The following DNAJC12 variants were observed in gnomAD, a reference collection of about 807,000 sequenced individuals.
The protein encoded by DNAJC12 is DnaJ heat shock protein family (Hsp40) member C12.
A neutral mutation model predicts 28.5 loss-of-function variants in DNAJC12; 25 were observed. The observed-to-expected ratio is 0.88, with a 90% confidence interval of 0.64 to 1.22. The LOEUF is 1.22. Among genes scored for constraint, DNAJC12 ranks in the 50% most tolerant of loss-of-function variants. The probability of loss-of-function intolerance (pLI) is 0.00; values close to 1 mark genes in which losing one functional copy is unlikely to be tolerated. For synonymous variants in DNAJC12, 77 were observed against 80.6 expected (o/e 0.95, Z 0.24); for missense variants, 222 against 231.7 (o/e 0.96, Z 0.27).
In DNAJC12 at chr10:67,819,700, AAGG is replaced by A. The variant is rs1564863277; in HGVS notation, c.157+3611_157+3613del. Among the ~76,000 whole-genome samples, 110 of 21,034 alleles carry A rather than the reference AAGG, an allele frequency of 5.2e-3. 20 individuals carry two copies. Among genetic ancestry groups the A allele is most frequent in the South Asian group, 0.012 (5 of 406 alleles). 13.8% of individuals were successfully genotyped at this position (21,034 alleles called of 152,430 possible). ...AAAGAAAGAAAGAAAGAAAGAAAGG[AAGG>A]AAGGAAGGAAGGAAGCAAGGAAGGA... On this transcript the variant is annotated intron_variant, in intron 2 of 4. Coordinates refer to ENST00000225171, the MANE Select transcript of DNAJC12 (RefSeq NM_021800.3).
intron 4 of DNAJC12, among the ~76,000 whole-genome samples, chr10:67,801,395 C>T (rs879259479): frequency 2.0e-5 from 3 of 152,148 alleles, no homozygotes; most frequent in African/African-American, 4.8e-5. Flanking sequence ...CTTTAAGGCA[C>T]TAGTCAGAAA....
chr10:67,799,173 G>T lies in DNAJC12; in HGVS notation c.503-1963C>A, dbSNP rs141480536. Among the ~76,000 whole-genome samples the T allele has an allele frequency of 2.9e-3, 443 of 152,100 alleles. 3 individuals are homozygous for T. Among genetic ancestry groups the T allele is most frequent in the African/African-American group, 0.01 (429 of 41,490 alleles). Reference sequence around the variant, plus strand: ...TGTTAATAATATTGCTAATGAAAAAGCAGGTTACAGAATAATATATAAAAT... The same window carrying T: ...TGTTAATAATATTGCTAATGAAAAATCAGGTTACAGAATAATATATAAAAT... On this transcript the variant is annotated intron_variant, in intron 4 of 4. Coordinates refer to ENST00000225171, the MANE Select transcript of DNAJC12 (RefSeq NM_021800.3).
At chr10:67,803,044 T>G (rs1219107962) in intron 4 of DNAJC12, among the ~76,000 whole-genome samples, 2 of 151,980 alleles carry the variant, frequency 1.3e-5, no homozygotes, top group Non-Finnish European at 2.9e-5. Context: ...TTCACCATGT[T>G]GCCCAGGCTG....
chr10:67,826,376 C>T (rs944511945), intron 1 of DNAJC12, among the ~76,000 whole-genome samples: 1 of 150,898 alleles, frequency 6.6e-6, no homozygotes, highest in Non-Finnish European at 1.5e-5. Context: ...CCAAGCAATC[C>T]GCCTGCCTTG....
chr10:67,837,784 T>C (rs2131820168), intron 1 of DNAJC12, 150 bp downstream of exon 1: 1 of 557,014 alleles, frequency 1.8e-6, no homozygotes, highest in Non-Finnish European at 3.1e-6. Flanking sequence ...ATTCTTAACT[T>C]TCTCTGAGCC....
At chr10:67,807,126 T>A (rs1308610035) in intron 3 of DNAJC12, among the ~76,000 whole-genome samples, 1 of 151,408 alleles carries the variant, frequency 6.6e-6, no homozygotes, top group African/African-American at 2.4e-5. Context: ...TTGGGCAAGG[T>A]AGTGTGTGCC....
intron 2 of DNAJC12, among the ~76,000 whole-genome samples, chr10:67,818,032 G>A (rs55775498): frequency 1.3e-3 from 192 of 152,196 alleles, no homozygotes; most frequent in African/African-American, 4.2e-3. Context: ...GCAAAACCCC[G>A]TCTGTACTAA....
chr10:67,834,099 G>A (rs1179999692), intron 1 of DNAJC12: 1 of 456,206 alleles, frequency 2.2e-6, no homozygotes. Flanking sequence ...GTAAATGTAT[G>A]ATGAATTTTA....
At chr10:67,819,299 T>C (rs7080662) in intron 2 of DNAJC12, among the ~76,000 whole-genome samples, 70,963 of 151,026 alleles carry the variant, frequency 0.47, 20,754 homozygotes, top group Non-Finnish European at 0.66. Flanking sequence ...AGCGCCACTG[T>C]ACTCCAGACT....
rs367769639 is a variant in DNAJC12 at position 67,816,543 on chromosome 10, CTTT to C, written c.158-4883_158-4881del. ...AGGTTCTTAGTCTGAAGTTTACTTT[CTTT>C]TTTTTTTTTTTTTTTTTGAGGCAGA... On this transcript the variant is annotated intron_variant, in intron 2 of 4. Transcript: ENST00000225171. Among the ~76,000 whole-genome samples the C allele has an allele frequency of 3.9e-3, 346 of 88,198 alleles. 1 individual carries two copies. Among genetic ancestry groups the C allele is most frequent in the African/African-American group, 7.0e-3 (206 of 29,290 alleles). 57.9% of individuals were successfully genotyped at this position (88,198 alleles called of 152,430 possible). A position where few individuals can be genotyped will look rare whatever the true frequency, so the allele number is the denominator to read the frequency against.
chr10:67,799,321 G>A (rs1335565550), intron 4 of DNAJC12, among the ~76,000 whole-genome samples: 1 of 152,012 alleles, frequency 6.6e-6, no homozygotes, highest in African/African-American at 2.4e-5. Flanking sequence ...AGAATTATTG[G>A]AGAAAACAAA....
At chr10:67,821,617 C>T (rs902039443) in intron 2 of DNAJC12, among the ~76,000 whole-genome samples, 4 of 152,142 alleles carry the variant, frequency 2.6e-5, no homozygotes, top group African/African-American at 9.7e-5. Context: ...TTAAGCTGGG[C>T]GGAACATATG....
rs1234026628 is a variant in DNAJC12, at chr10:67,811,520, C to T, written c.297+4G>A. 1 of 1,613,958 alleles carries T rather than the reference C, an allele frequency of 6.2e-7. No homozygotes were observed. Among genetic ancestry groups the T allele is most frequent in the Admixed American group, 1.7e-5 (1 of 59,962 alleles). On this transcript the variant is annotated splice_donor_region_variant and intron_variant, in intron 3 of 4. Coordinates refer to ENST00000225171, the MANE Select transcript of DNAJC12 (RefSeq NM_021800.3). ...ATTCACGTCGCACCCAGCGAGAAAC[C>T]CACCGTCTTCACTGAGTCATTCAAA...
chr10:67,801,199 G>A (rs1487089935), intron 4 of DNAJC12, among the ~76,000 whole-genome samples: 1 of 152,116 alleles, frequency 6.6e-6, no homozygotes, highest in East Asian at 1.9e-4. Context: ...ATTCCAAAGT[G>A]AATATCTAGC....
chr10:67,797,137 C>G lies in DNAJC12; in HGVS notation c.576G>C (p.Lys192Asn). 6.2e-7 allele frequency: 1 copy of G among 1,613,522 alleles called. No homozygotes were observed. The highest frequency in any genetic ancestry group is 8.5e-7 in the Non-Finnish European group (1 of 1,179,696). The change falls in exon 5 of 5, where the codon AAG becomes AAC. Residue 192 changes from lysine to asparagine, a missense_variant. By Grantham distance (94) the Lys-to-Asn change is moderately conservative. Coordinates refer to ENST00000225171, the MANE Select transcript of DNAJC12 (RefSeq NM_021800.3). ...SKDAPSELLR[K>N]FRNYEI Reference sequence around the variant, plus strand: ...TATTTCATATTTCATAGTTTCTGAACTTCCTCAGGAGTTCTGAGGGAGCAT... The same window carrying G: ...TATTTCATATTTCATAGTTTCTGAAGTTCCTCAGGAGTTCTGAGGGAGCAT...
intron 1 of DNAJC12, among the ~76,000 whole-genome samples, chr10:67,826,095 T>C (rs1480748075): frequency 1.3e-5 from 2 of 151,946 alleles, no homozygotes; most frequent in Admixed American, 1.3e-4. Flanking sequence ...CCAAGGAATA[T>C]ACCCAAGAGA....
intron 4 of DNAJC12, among the ~76,000 whole-genome samples, chr10:67,802,948 C>T (rs989299758): frequency 6.9e-6 from 1 of 145,488 alleles, no homozygotes; most frequent in South Asian, 2.1e-4. Context: ...CATCCCCCCC[C>T]ACACACACAC....
intron 2 of DNAJC12, among the ~76,000 whole-genome samples, chr10:67,819,691 A>G (rs78922380): frequency 0.09 from 2,012 of 22,444 alleles, 206 homozygotes; most frequent in Admixed American, 0.2. Context: ...AGAAAGAAAG[A>G]AAGAAAGGAA....
intron 2 of DNAJC12, chr10:67,816,075 A>G (rs1034130495): frequency 2.8e-5 from 11 of 398,428 alleles, no homozygotes; most frequent in African/African-American, 1.9e-4. Context: ...TTGTAAGCTT[A>G]TAGGAGCAAA....
Sources: gnomAD v4.1 joint callset for allele counts (sites outside exome capture counted in the v4.1 genomes callset) on GRCh38, gnomAD v4.1.1 for gene constraint, MANE v1.5 for transcripts, NCBI Gene and HGNC (gene_info 2026-07-23, HGNC 2026-07-21) for gene names.